The following CBX1 variants were observed in gnomAD, a reference collection of about 807,000 sequenced individuals.
The protein encoded by CBX1 is chromobox protein homolog 1.
CBX1 carries 10 observed loss-of-function variants against 25.1 expected under a neutral mutation model. That is an observed-to-expected ratio of 0.40 (90% confidence interval 0.25 to 0.68). The LOEUF (loss-of-function observed/expected upper bound fraction) is 0.68. CBX1 is among the 30% of genes least tolerant of loss of function. The pLI is 0.40. For missense variants in CBX1, 106 were observed against 218.5 expected, an observed-to-expected ratio of 0.49 and a Z score of 3.25; for synonymous variants, 63 against 79.4, an observed-to-expected ratio of 0.79 and a Z score of 1.10.
chr17:48,095,845 C>G (rs997409931), intron 1 of CBX1: 4 of 152,146 alleles, frequency 2.6e-5, no homozygotes, highest in Admixed American at 2.6e-4. Flanking sequence ...CTTGACTAAG[C>G]AGAAAACAAG....
chr17:48,089,140 G>T (rs1166373803), intron 1 of CBX1, among the ~76,000 whole-genome samples: 2 of 139,880 alleles, frequency 1.4e-5, no homozygotes, highest in Non-Finnish European at 3.0e-5. Flanking sequence ...TCACTCAGTC[G>T]CCCAGGCTGG....
At chr17:48,084,508 G>A (rs2037769609) in intron 1 of CBX1, among the ~76,000 whole-genome samples, 1 of 148,898 alleles carries the variant, frequency 6.7e-6, no homozygotes, top group Non-Finnish European at 1.5e-5. Context: ...TGTGCCGGGC[G>A]CCAAGCTTCT....
chr17:48,082,152 G>C (rs2037744164), intron 1 of CBX1, among the ~76,000 whole-genome samples: 1 of 152,074 alleles, frequency 6.6e-6, no homozygotes, highest in Non-Finnish European at 1.5e-5. Context: ...GCTGCTGTGA[G>C]CTGTGATTGT....
intron 1 of CBX1, among the ~76,000 whole-genome samples, chr17:48,097,884 T>C (rs1162064758): frequency 6.6e-6 from 1 of 152,222 alleles, no homozygotes; most frequent in Non-Finnish European, 1.5e-5. Context: ...GGTAAATTAT[T>C]GCTCAGGTCA....
In CBX1 at chr17:48,074,084, GGTTA is replaced by G. The variant is rs576658351; in HGVS notation, c.413+918_413+921del. On this transcript the variant is annotated intron_variant, in intron 4 of 4. Transcript: ENST00000225603. ...CCTAGGGAATACATAGAAGAGAATAGGTTAGTTAGTTGTGACTCTGGCTTTCAGT... is the reference window on the plus strand; with the variant it reads ...CCTAGGGAATACATAGAAGAGAATAGGTTAGTTGTGACTCTGGCTTTCAGT... Among the ~76,000 whole-genome samples, 360 of 152,318 alleles carry G rather than the reference GGTTA, an allele frequency of 2.4e-3. 1 individual carries two copies. Among genetic ancestry groups the G allele is most frequent in the Non-Finnish European group, 4.2e-3 (287 of 68,028 alleles).
chr17:48,097,797 A>G (rs1046421240), intron 1 of CBX1, among the ~76,000 whole-genome samples: 1 of 152,186 alleles, frequency 6.6e-6, no homozygotes, highest in African/African-American at 2.4e-5. Context: ...GACAAGATCT[A>G]AATTTTGTCC....
intron 1 of CBX1, among the ~76,000 whole-genome samples, chr17:48,080,934 AAAAAAAAAAAAAAAAAAATATATATATAT>A (rs2037725653): frequency 2.4e-5 from 1 of 42,218 alleles, no homozygotes; most frequent in African/African-American, 1.0e-4. Flanking sequence ...AAAAAAAAAA[AAAAAAAAAAAAAAAAAAATATATATATAT>A]ATATATATAT....
intron 1 of CBX1, among the ~76,000 whole-genome samples, chr17:48,092,536 C>A (rs2063349915): frequency 6.6e-6 from 1 of 151,100 alleles, no homozygotes; most frequent in South Asian, 2.1e-4. Flanking sequence ...GGCTCACAAC[C>A]TCCACCTCCC....
chr17:48,085,989 G>A (rs1224781352), intron 1 of CBX1, among the ~76,000 whole-genome samples: 1 of 152,124 alleles, frequency 6.6e-6, no homozygotes, highest in African/African-American at 2.4e-5. Flanking sequence ...AGAATTGCTT[G>A]AACTCAGGCG....
intron 1 of CBX1, among the ~76,000 whole-genome samples, chr17:48,077,326 C>T (rs1456935758): frequency 2.0e-5 from 3 of 151,096 alleles, no homozygotes; most frequent in South Asian, 2.1e-4. Context: ...GGCGCAATCT[C>T]GGCTTACTGC....
At chr17:48,086,481 T>C (rs576702274) in intron 1 of CBX1, among the ~76,000 whole-genome samples, 73 of 152,308 alleles carry the variant, frequency 4.8e-4, no homozygotes, top group African/African-American at 1.6e-3. Flanking sequence ...AAATTATAAA[T>C]GTGAGGCCAT....
At chr17:48,101,129 G>A (rs1368186459) in intron 1 of CBX1, 139 bp downstream of exon 1, 13 of 986,382 alleles carry the variant, frequency 1.3e-5, no homozygotes, top group South Asian at 9.0e-5. Context: ...GCGGGAAGCG[G>A]AGAAGCAGGA....
chr17:48,075,552 T>C (rs2037667450), intron 3 of CBX1, among the ~76,000 whole-genome samples: 1 of 152,124 alleles, frequency 6.6e-6, no homozygotes, highest in African/African-American at 2.4e-5. Context: ...AGAGAGCTGT[T>C]AGAATCCTTT....
chr17:48,086,411 A>T (rs1260681041), intron 1 of CBX1, among the ~76,000 whole-genome samples: 1 of 152,180 alleles, frequency 6.6e-6, no homozygotes, highest in East Asian at 1.9e-4. Context: ...ATAAACATGA[A>T]CTATGAAGTG....
intron 1 of CBX1, among the ~76,000 whole-genome samples, chr17:48,098,757 TG>T (rs1369146700): frequency 6.6e-6 from 1 of 152,214 alleles, no homozygotes; most frequent in Non-Finnish European, 1.5e-5. Flanking sequence ...AAACTCTTCG[TG>T]GAAAGAACCT....
At chr17:48,087,142 T>C (rs1159212358) in intron 1 of CBX1, among the ~76,000 whole-genome samples, 1 of 149,686 alleles carries the variant, frequency 6.7e-6, no homozygotes, top group East Asian at 2.0e-4. Flanking sequence ...TGAGCCCAGA[T>C]CGCACCATTG....
intron 1 of CBX1, among the ~76,000 whole-genome samples, chr17:48,097,077 C>G (rs1448224048): frequency 6.6e-6 from 1 of 151,584 alleles, no homozygotes; most frequent in Admixed American, 6.6e-5. Context: ...TGATGAAACC[C>G]CATCTCTACT....
At chr17:48,078,787 CTTTT>C (rs1184844619) in intron 1 of CBX1, among the ~76,000 whole-genome samples, 69 of 76,252 alleles carry the variant, frequency 9.0e-4, no homozygotes, top group African/African-American at 4.1e-3. Context: ...CGTGCCTGGA[CTTTT>C]TTTTTTTTTT....
At chr17:48,084,673 G>A (rs1337326622) in intron 1 of CBX1, among the ~76,000 whole-genome samples, 1 of 149,508 alleles carries the variant, frequency 6.7e-6, no homozygotes, top group Non-Finnish European at 1.5e-5. Flanking sequence ...CACTTTGGGA[G>A]GCTGAGGTGG....
Sources: allele counts gnomAD v4.1 joint callset (sites outside exome capture counted in the v4.1 genomes callset), GRCh38; gene constraint gnomAD v4.1.1; transcripts MANE v1.5; gene names NCBI Gene and HGNC (gene_info 2026-07-23, HGNC 2026-07-21).